TMEM54: variants seen among roughly 807,000 people sequenced by gnomAD.
TMEM54 encodes transmembrane protein 54.
In TMEM54, 21 loss-of-function variants were observed where a neutral mutation model predicts 21.3. The observed-to-expected ratio is 0.99, with a 90% CI of 0.70 to 1.42. The LOEUF is 1.42. Among genes scored for constraint, TMEM54 ranks in the 40% most tolerant of loss-of-function variants. TMEM54 has a pLI of 0.00. For missense variants in TMEM54, 246 were observed against 294.0 expected (o/e 0.84, Z 1.19); for synonymous variants, 109 against 125.0 (o/e 0.87, Z 0.86).
intron 1 of TMEM54, among the ~76,000 whole-genome samples, chr1:32,898,791 G>A (rs1478671744): frequency 6.6e-6 from 1 of 152,190 alleles, no homozygotes; most frequent in Non-Finnish European, 1.5e-5. Context: ...GCCCTGCTTG[G>A]TACTCAGATT....
At chr1:32,900,900 G>A (rs1032686667) in intron 1 of TMEM54, among the ~76,000 whole-genome samples, 4 of 152,310 alleles carry the variant, frequency 2.6e-5, no homozygotes, top group East Asian at 3.9e-4. Context: ...GTAAGATGGG[G>A]CTGCTCTCTC....
At chr1:32,899,805 A>T (rs917114742) in intron 1 of TMEM54, among the ~76,000 whole-genome samples, 1 of 152,208 alleles carries the variant, frequency 6.6e-6, no homozygotes, top group African/African-American at 2.4e-5. Context: ...GGGGCTATTC[A>T]GTCACAGACT....
chr1:32,896,526 C>T lies in TMEM54; in HGVS notation c.211-557G>A, dbSNP rs1367245195. ...GATGTGGATGCCCATACACAGCCTG[C>T]TCAGGACACTGCCCATGCACCCTCT... On this transcript the variant is annotated intron_variant, in intron 2 of 5. Coordinates refer to ENST00000373463, the MANE Select transcript of TMEM54 (RefSeq NM_033504.4). This position sits in a 1 kb window ranked among gnomAD's most constrained non-coding sequence, Gnocchi z 4.1. 1.3e-5 allele frequency among the ~76,000 whole-genome samples: 2 copies of T among 152,238 alleles called. No individual in the cohort carries two copies. Among genetic ancestry groups the T allele is most frequent in the African/African-American group, 4.8e-5 (2 of 41,472 alleles).
chr1:32,896,748 T>C lies in TMEM54; in HGVS notation c.211-779A>G, dbSNP rs150670562. On this transcript the variant is annotated intron_variant, in intron 2 of 5. Transcript: ENST00000373463. This position sits in a 1 kb window ranked among gnomAD's most constrained non-coding sequence, Gnocchi z 4.1. ...CTGGACCAGGCTTGGGCCGGACCCA[T>C]CTGAGGCAGGTGGTATGACGGGGTC... Among the ~76,000 whole-genome samples, 489 of 152,372 alleles carry C rather than the reference T, an allele frequency of 3.2e-3. 3 individuals are homozygous for C. Among genetic ancestry groups the C allele is most frequent in the Middle Eastern group, 0.017 (5 of 294 alleles).
rs1249136069 is a variant in TMEM54 at position 32,896,310 on chromosome 1, A to G, written c.211-341T>C. The G allele has an allele frequency of 4.5e-6, 1 of 222,448 alleles. No homozygotes were observed. The highest frequency in any genetic ancestry group is 8.8e-6 in the Non-Finnish European group (1 of 114,282). The allele number at this position is 222,448 out of a possible 1,614,324, so 13.8% of individuals were successfully genotyped here. On this transcript the variant is annotated intron_variant, in intron 2 of 5. Transcript: ENST00000373463. This position sits in a 1 kb window ranked among gnomAD's most constrained non-coding sequence, Gnocchi z 4.1. ...TCTGGAATGAAAAAGATTGTGGAAG[A>G]AACTAACCCAGTTAGCAAGGAACTA...
chr1:32,896,085 C>G lies in TMEM54; in HGVS notation c.211-116G>C. 2.7e-6 allele frequency: 3 copies of G among 1,103,444 alleles called. No individual in the cohort carries two copies. Among genetic ancestry groups the G allele is most frequent in the Non-Finnish European group, 3.8e-6 (3 of 781,304 alleles). The allele number at this position is 1,103,444 out of a possible 1,614,324, so 68.4% of individuals were successfully genotyped here. A position where few individuals can be genotyped will look rare whatever the true frequency, so the allele number is the denominator to read the frequency against. On this transcript the variant is annotated intron_variant, in intron 2 of 5. Transcript: ENST00000373463. This position sits in a 1 kb window ranked among gnomAD's most constrained non-coding sequence, Gnocchi z 4.1. ...GCGCCAACCATTGCCCTCCAGACTC[C>G]CCCACCCCTCACCTGCTGCTTAGCC...
chr1:32,896,065 A>G lies in TMEM54; in HGVS notation c.211-96T>C. 1 of 1,371,270 alleles carries G rather than the reference A, an allele frequency of 7.3e-7. No homozygotes were observed. Among genetic ancestry groups the G allele is most frequent in the Non-Finnish European group, 9.9e-7 (1 of 1,009,376 alleles). 84.9% of individuals were successfully genotyped at this position (1,371,270 alleles called of 1,614,324 possible). A position where few individuals can be genotyped will look rare whatever the true frequency, so the allele number is the denominator to read the frequency against. ...CTGGGATAATGATCTCACCGGCGCC[A>G]ACCATTGCCCTCCAGACTCCCCCAC... is the stretch of plus-strand genomic sequence containing the variant. On this transcript the variant is annotated intron_variant, in intron 2 of 5. Transcript: ENST00000373463. This position sits in a 1 kb window ranked among gnomAD's most constrained non-coding sequence, Gnocchi z 4.1.
chr1:32,901,217 G>T lies in TMEM54; in HGVS notation c.16+6C>A. 2 of 1,488,588 alleles carry T rather than the reference G, an allele frequency of 1.3e-6. No individual in the cohort carries two copies. The highest frequency in any genetic ancestry group is 1.3e-5 in the South Asian group (1 of 75,868). 92.2% of individuals were successfully genotyped at this position (1,488,588 alleles called of 1,614,324 possible). On this transcript the variant is annotated splice_donor_region_variant and intron_variant, in intron 1 of 5. Coordinates refer to ENST00000373463, the MANE Select transcript of TMEM54 (RefSeq NM_033504.4). The surrounding 1 kb of genome is among the most constrained non-coding windows in gnomAD (Gnocchi z 4.2). ...CGGGGCCTCCCGCGCGCCCCCAGTC[G>T]CTCACCGAGGCGCAGACACATGTCG...
At chr1:32,899,705 T>C (rs1308708467) in intron 1 of TMEM54, among the ~76,000 whole-genome samples, 1 of 151,978 alleles carries the variant, frequency 6.6e-6, no homozygotes, top group Admixed American at 6.6e-5. Context: ...AGAGACCCCG[T>C]CTAAAAAAAA....
In TMEM54 at chr1:32,897,915, C is replaced by T; in HGVS notation, c.210+211G>A. Reference sequence around the variant, plus strand: ...CTTTGTGTGGATGATCTCATCAGTACCCATTAGGACCCTCAGAGGTAAACA... The same window carrying T: ...CTTTGTGTGGATGATCTCATCAGTATCCATTAGGACCCTCAGAGGTAAACA... On this transcript the variant is annotated intron_variant, in intron 2 of 5. Transcript: ENST00000373463. This position sits in a 1 kb window ranked among gnomAD's most constrained non-coding sequence, Gnocchi z 4.9. The T allele has an allele frequency of 3.8e-6, 2 of 524,410 alleles. No individual in the cohort carries two copies. The highest frequency in any genetic ancestry group is 6.9e-6 in the Non-Finnish European group (2 of 290,000). 32.5% of individuals were successfully genotyped at this position (524,410 alleles called of 1,614,324 possible).
At chr1:32,899,285 T>A (rs1641670877) in intron 1 of TMEM54, among the ~76,000 whole-genome samples, 2 of 152,000 alleles carry the variant, frequency 1.3e-5, no homozygotes, top group South Asian at 4.2e-4. Flanking sequence ...TCCCCTTCTT[T>A]AGCTGCTTCT....
Position 32,896,070 on chromosome 1 carries a change from T to C in TMEM54, c.211-101A>G, listed in dbSNP as rs1641593161. 4 of 1,328,244 alleles carry C rather than the reference T, an allele frequency of 3.0e-6. No homozygotes were observed. Among genetic ancestry groups the C allele is most frequent in the Non-Finnish European group, 4.1e-6 (4 of 975,292 alleles). 82.3% of individuals were successfully genotyped at this position (1,328,244 alleles called of 1,614,324 possible). A position where few individuals can be genotyped will look rare whatever the true frequency, so the allele number is the denominator to read the frequency against. On this transcript the variant is annotated intron_variant, in intron 2 of 5. Transcript: ENST00000373463. This position sits in a 1 kb window ranked among gnomAD's most constrained non-coding sequence, Gnocchi z 4.1. ...ATAATGATCTCACCGGCGCCAACCA[T>C]TGCCCTCCAGACTCCCCCACCCCTC... is the stretch of plus-strand genomic sequence containing the variant.
Position 32,895,989 on chromosome 1 carries a change from C to T in TMEM54, c.211-20G>A, listed in dbSNP as rs375686954. The T allele has an allele frequency of 5.0e-5, 81 of 1,609,794 alleles. No individual in the cohort carries two copies. The highest frequency in any genetic ancestry group is 6.6e-5 in the Non-Finnish European group (78 of 1,177,964). On this transcript the variant is annotated intron_variant, in intron 2 of 5. Transcript: ENST00000373463. This position sits in a 1 kb window ranked among gnomAD's most constrained non-coding sequence, Gnocchi z 5.8. The stretch of plus-strand genomic sequence containing the variant: ...GATGACCTGTAGGGAAGGCTCAAGT[C>T]AGCCCTGACTCCTTGGCTGGAGGAA...
In TMEM54 at chr1:32,894,663, G is replaced by C; in HGVS notation, c.*142C>G. ...TTCAGTGCAGTGGGCTGGGTGGTGG[G>C]GGAGAGGGTTGAAAGCCCCACTTGG... On this transcript the variant is annotated 3_prime_UTR_variant, in exon 6 of 6. Coordinates refer to ENST00000373463, the MANE Select transcript of TMEM54 (RefSeq NM_033504.4). 9.4e-7 allele frequency: 1 copy of C among 1,061,898 alleles called. No individual in the cohort carries two copies. Among genetic ancestry groups the C allele is most frequent in the Non-Finnish European group, 1.4e-6 (1 of 730,730 alleles). The allele number at this position is 1,061,898 out of a possible 1,614,324, so 65.8% of individuals were successfully genotyped here. A position where few individuals can be genotyped will look rare whatever the true frequency, so the allele number is the denominator to read the frequency against.
chr1:32,899,790 G>A (rs1557548218), intron 1 of TMEM54, among the ~76,000 whole-genome samples: 1 of 152,216 alleles, frequency 6.6e-6, no homozygotes, highest in Non-Finnish European at 1.5e-5. Flanking sequence ...GGAGCAGGAA[G>A]GGATGGGGCT....
At chr1:32,899,353 C>T (rs1311907869) in intron 1 of TMEM54, among the ~76,000 whole-genome samples, 4 of 141,876 alleles carry the variant, frequency 2.8e-5, no homozygotes, top group South Asian at 2.3e-4. Context: ...TGTGGTAGAG[C>T]GGTTTGGTCA....
intron 1 of TMEM54, among the ~76,000 whole-genome samples, chr1:32,900,508 G>C (rs1174425723): frequency 6.6e-6 from 1 of 152,152 alleles, no homozygotes; most frequent in Admixed American, 6.5e-5. Context: ...ATGAAGCCCA[G>C]CTGGCTTCAT....
Position 32,895,522 on chromosome 1 carries a change from C to G in TMEM54, c.459+33G>C. 1 of 1,590,120 alleles carries G rather than the reference C, an allele frequency of 6.3e-7. No homozygotes were observed. The highest frequency in any genetic ancestry group is 8.6e-7 in the Non-Finnish European group (1 of 1,166,210). On this transcript the variant is annotated intron_variant, in intron 4 of 5. Transcript: ENST00000373463. The surrounding 1 kb of genome is among the most constrained non-coding windows in gnomAD (Gnocchi z 5.8). The stretch of plus-strand genomic sequence containing the variant: ...AGAGCCCTTCCCACCCGTGCGAGGG[C>G]CTGGTGCCCCTACTCCAGGCCTAGG...
chr1:32,898,469 G>C, intron 1 of TMEM54, 150 bp from the exon 2 acceptor site: 1 of 711,588 alleles, frequency 1.4e-6, no homozygotes. Context: ...TTTGAGCCTT[G>C]GTCTCCTCAT....
Sources: gnomAD v4.1 joint callset for allele counts (sites outside exome capture counted in the v4.1 genomes callset) on GRCh38, gnomAD v4.1.1 for gene constraint, Gnocchi (gnomAD v3.1) non-coding constraint, MANE v1.5 for transcripts, NCBI Gene and HGNC (gene_info 2026-07-23, HGNC 2026-07-21) for gene names.